The following NARS2 variants were observed in gnomAD, a reference collection of about 807,000 sequenced individuals.
NARS2 encodes the protein asparaginyl-tRNA synthetase 2, mitochondrial.
In NARS2, 60 loss-of-function variants were observed where a neutral mutation model predicts 62.9. The ratio of observed to expected loss-of-function variants is 0.95; its 90% CI spans 0.77 to 1.18. The LOEUF (loss-of-function observed/expected upper bound fraction) is 1.18. NARS2 is among the 50% of genes most tolerant of loss of function. NARS2 has a pLI of 0.00. For missense variants in NARS2, 619 were observed against 576.4 expected (o/e 1.07, Z -0.76); for synonymous variants, 196 against 200.0 (o/e 0.98, Z 0.17).
At chr11:78,486,519 A>C (rs1859582032) in intron 7 of NARS2, among the ~76,000 whole-genome samples, 1 of 152,248 alleles carries the variant, frequency 6.6e-6, no homozygotes, top group Non-Finnish European at 1.5e-5. Flanking sequence ...CTCAAATAGC[A>C]CAGCAGAGGC....
chr11:78,508,684 A>G (rs1447672793), intron 6 of NARS2, among the ~76,000 whole-genome samples: 1 of 152,214 alleles, frequency 6.6e-6, no homozygotes, highest in African/African-American at 2.4e-5. Context: ...TAAACACCCA[A>G]GAAGTTCAAT....
At chr11:78,570,317 C>T (rs1856880803) in intron 2 of NARS2, among the ~76,000 whole-genome samples, 1 of 152,176 alleles carries the variant, frequency 6.6e-6, no homozygotes. Context: ...CCCGGAATAG[C>T]AAAGCACTCT....
At chr11:78,448,090 C>A (rs1162784943) in intron 11 of NARS2, among the ~76,000 whole-genome samples, 1 of 152,094 alleles carries the variant, frequency 6.6e-6, no homozygotes, top group Non-Finnish European at 1.5e-5. Context: ...GGTGAAGGAT[C>A]TGCTAATTAG....
intron 9 of NARS2, among the ~76,000 whole-genome samples, chr11:78,477,429 C>T (rs1045281651): frequency 6.6e-6 from 1 of 152,110 alleles, no homozygotes; most frequent in Admixed American, 6.6e-5. Context: ...ATTTTTGCAG[C>T]TGTAGGAGAA....
intron 5 of NARS2, among the ~76,000 whole-genome samples, chr11:78,536,406 T>C (rs1035553896): frequency 2.6e-5 from 4 of 152,194 alleles, no homozygotes; most frequent in African/African-American, 7.2e-5. Flanking sequence ...TGTGTGTTAC[T>C]GCCCCTGAAG....
At chr11:78,481,918 G>A (rs1370532656) in intron 7 of NARS2, among the ~76,000 whole-genome samples, 1 of 152,062 alleles carries the variant, frequency 6.6e-6, no homozygotes, top group African/African-American at 2.4e-5. Context: ...AATCATTCAA[G>A]AACGGTATAT....
intron 6 of NARS2, among the ~76,000 whole-genome samples, chr11:78,494,304 A>G (rs939011936): frequency 1.3e-5 from 2 of 152,196 alleles, no homozygotes; most frequent in Admixed American, 6.5e-5. Flanking sequence ...CTTAATCTTT[A>G]AATGTTAAGG....
chr11:78,463,737 A>AAG (rs34069941), intron 11 of NARS2, among the ~76,000 whole-genome samples: 1 of 147,772 alleles, frequency 6.8e-6, no homozygotes, highest in Non-Finnish European at 1.5e-5. Flanking sequence ...AAAAAAAAAA[A>AAG]CCACAGGACA....
At chr11:78,561,312 TA>T (rs1226921899) in intron 4 of NARS2, among the ~76,000 whole-genome samples, 1 of 151,068 alleles carries the variant, frequency 6.6e-6, no homozygotes, top group Non-Finnish European at 1.5e-5. Context: ...GGTGGGGGAG[TA>T]AAAAGAATAA....
At chr11:78,439,729 G>T (rs1054717955) in intron 13 of NARS2, among the ~76,000 whole-genome samples, 1 of 152,090 alleles carries the variant, frequency 6.6e-6, no homozygotes, top group Admixed American at 6.5e-5. Context: ...ACCAAAAGGC[G>T]AGGGTGTAGG....
chr11:78,436,938 C>G, intron 13 of NARS2, 124 bp from the exon 14 acceptor site: 1 of 889,148 alleles, frequency 1.1e-6, no homozygotes, highest in Middle Eastern at 2.8e-4. Flanking sequence ...TGTGATAGAC[C>G]AGTCTTTCCC....
intron 6 of NARS2, among the ~76,000 whole-genome samples, chr11:78,497,739 T>A (rs557526702): frequency 1.5e-4 from 23 of 152,274 alleles, no homozygotes; most frequent in Non-Finnish European, 7.4e-5. Flanking sequence ...TACCCCCTTT[T>A]CAGCTTTCCC....
chr11:78,538,723 C>T (rs1259036906), intron 5 of NARS2, among the ~76,000 whole-genome samples: 3 of 151,884 alleles, frequency 2.0e-5, no homozygotes, highest in Admixed American at 6.6e-5. Context: ...AGGCCGGGCG[C>T]GGTGGCTCAC....
intron 3 of NARS2, 41 bp from the exon 4 acceptor site, chr11:78,566,313 A>T (rs1258175583): frequency 6.7e-7 from 1 of 1,499,600 alleles, no homozygotes; most frequent in East Asian, 2.3e-5. Context: ...GTCAAAAGAG[A>T]TACTGTTTAA....
At chr11:78,546,476 C>T (rs1291668188) in intron 5 of NARS2, 1 of 152,204 alleles carries the variant, frequency 6.6e-6, no homozygotes, top group Admixed American at 6.5e-5. Flanking sequence ...ACAGTTACCA[C>T]AATACTTAAC....
chr11:78,518,047 T>C (rs1221696520), intron 6 of NARS2, among the ~76,000 whole-genome samples: 3 of 152,220 alleles, frequency 2.0e-5, no homozygotes, highest in Non-Finnish European at 4.4e-5. Context: ...AACACTATAG[T>C]ACAGTCGGCC....
chr11:78,565,524 A>AGACTCCCTGAGTTGAAGAGACAC (rs1856712723), intron 4 of NARS2, among the ~76,000 whole-genome samples: 1 of 152,190 alleles, frequency 6.6e-6, no homozygotes, highest in African/African-American at 2.4e-5. Flanking sequence ...AGAGCCCAGC[A>AGACTCCCTGAGTTGAAGAGACAC]GACTCCCTGA....
chr11:78,547,554 T>C (rs1322636015), intron 5 of NARS2, among the ~76,000 whole-genome samples: 1 of 152,038 alleles, frequency 6.6e-6, no homozygotes, highest in Non-Finnish European at 1.5e-5. Flanking sequence ...AAAGCAGGTA[T>C]AAGCCAGGCA....
chr11:78,561,481 C>T (rs1856553933), intron 4 of NARS2, among the ~76,000 whole-genome samples: 1 of 152,076 alleles, frequency 6.6e-6, no homozygotes, highest in Admixed American at 6.5e-5. Context: ...CCACTTTCAC[C>T]CAATTTTTCA....
Sources: gnomAD v4.1 joint callset for allele counts (sites outside exome capture counted in the v4.1 genomes callset) on GRCh38, gnomAD v4.1.1 for gene constraint, MANE v1.5 for transcripts, NCBI Gene and HGNC (gene_info 2026-07-23, HGNC 2026-07-21) for gene names.